NFASC: variants seen among roughly 807,000 people sequenced by gnomAD.
NFASC encodes the protein neurofascin homolog.
A neutral mutation model predicts 147.5 loss-of-function variants in NFASC; 43 were observed. The observed-to-expected ratio is 0.29, with a 90% CI of 0.23 to 0.38. NFASC has a LOEUF of 0.38. NFASC is among the 10% of genes least tolerant of loss of function. The pLI, the probability that NFASC is intolerant of heterozygous loss-of-function variation, is 1.00. For missense variants in NFASC, 1,320 were observed against 1,689.0 expected (o/e 0.78, Z 3.83); for synonymous variants, 622 against 665.5 (o/e 0.93, Z 1.01).
At chr1:204,875,073 T>TTTG (rs3046329) in intron 1 of NFASC, among the ~76,000 whole-genome samples, 14,299 of 150,788 alleles carry the variant, frequency 0.095, 1,437 homozygotes, top group African/African-American at 0.25. Flanking sequence ...GTGGGTCTGC[T>TTTG]TTGTTGTTGT....
At chr1:204,946,997 C>G (rs1372605520) in intron 3 of NFASC, 1 of 356,392 alleles carries the variant, frequency 2.8e-6, no homozygotes, top group Non-Finnish European at 5.6e-6. Context: ...GCACCTGTCT[C>G]ATAAGGTTGA....
chr1:204,987,285 T>C lies in NFASC; in HGVS notation c.2471-133T>C, dbSNP rs2095635217. On this transcript the variant is annotated intron_variant, in intron 21 of 29. Coordinates refer to ENST00000339876, the MANE Select transcript of NFASC (RefSeq NM_001005388.3). The surrounding 1 kb of genome is among the most constrained non-coding windows in gnomAD (Gnocchi z 4.4). ...GGTCGTCTCACGGTTCTCCCAGGCT[T>C]CAGTTTAGCAGTGTCGAGCATGGGG... The C allele has an allele frequency of 6.2e-6, 5 of 812,736 alleles. No homozygotes were observed. Among genetic ancestry groups the C allele is most frequent in the Non-Finnish European group, 9.7e-6 (5 of 513,394 alleles). 50.3% of individuals were successfully genotyped at this position (812,736 alleles called of 1,614,324 possible).
intron 1 of NFASC, 113 bp from the exon 2 acceptor site, chr1:204,920,519 G>A: frequency 2.4e-6 from 1 of 415,784 alleles, no homozygotes; most frequent in Non-Finnish European, 4.4e-6. Context: ...AATGGATGTG[G>A]ACAAAAATGT....
At chr1:204,894,794 C>T (rs2083083068) in intron 1 of NFASC, among the ~76,000 whole-genome samples, 1 of 152,160 alleles carries the variant, frequency 6.6e-6, no homozygotes, top group Non-Finnish European at 1.5e-5. Context: ...TGAGTCATGC[C>T]TTTCATTATG....
intron 1 of NFASC, among the ~76,000 whole-genome samples, chr1:204,901,121 C>T (rs1051134317): frequency 1.3e-5 from 2 of 151,970 alleles, no homozygotes; most frequent in East Asian, 3.9e-4. Context: ...CAGGGAAGTG[C>T]GGGGAGGAGC....
intron 25 of NFASC, chr1:204,998,981 A>C (rs564887696): frequency 6.6e-6 from 1 of 152,252 alleles, no homozygotes; most frequent in African/African-American, 2.4e-5. Flanking sequence ...TCCTCACCTC[A>C]CTTCAGCAGA....
At chr1:204,857,859 T>C (rs1425521932) in intron 1 of NFASC, among the ~76,000 whole-genome samples, 2 of 151,914 alleles carry the variant, frequency 1.3e-5, no homozygotes, top group African/African-American at 2.4e-5. Context: ...CACTTCTCCC[T>C]GTGTCTCCAT....
At position 204,968,469 on chromosome 1, in the gene NFASC, A is replaced by C; in HGVS notation, c.818+109A>C. On this transcript the variant is annotated intron_variant, in intron 9 of 29. Coordinates refer to ENST00000339876, the MANE Select transcript of NFASC (RefSeq NM_001005388.3). The surrounding 1 kb of genome is among the most constrained non-coding windows in gnomAD (Gnocchi z 5.4). ...ATTTAGTGCATACCAGTAGCACAGC[A>C]AAAAGAGAAGCAAACAGCCTCTAGT... The C allele has an allele frequency of 1.3e-6, 1 of 794,376 alleles. No homozygotes were observed. The highest frequency in any genetic ancestry group is 1.6e-5 in the South Asian group (1 of 62,154). The allele number at this position is 794,376 out of a possible 1,614,324, so 49.2% of individuals were successfully genotyped here.
chr1:205,014,596 C>T (rs1308563491), intron 29 of NFASC, among the ~76,000 whole-genome samples: 1 of 152,136 alleles, frequency 6.6e-6, no homozygotes, highest in East Asian at 1.9e-4. Context: ...AGGGCCACCC[C>T]TAGTCATTCT....
chr1:204,980,502 C>A, intron 20 of NFASC, 62 bp downstream of exon 20: 1 of 1,241,770 alleles, frequency 8.1e-7, no homozygotes, highest in South Asian at 1.3e-5. Context: ...GGGAGCCCCT[C>A]TCCCTTGATG....
chr1:204,993,693 C>T, intron 24 of NFASC: 1 of 494,164 alleles, frequency 2.0e-6, no homozygotes, highest in South Asian at 1.5e-5. Context: ...CTGATGGTCT[C>T]CACTGAGCAC....
rs35773017 is a variant in NFASC, at chr1:204,845,295, C to CAAAA, written c.-200+16524_-200+16527dup. On this transcript the variant is annotated intron_variant, in intron 1 of 29. Coordinates refer to ENST00000339876, the MANE Select transcript of NFASC (RefSeq NM_001005388.3). Reference sequence around the variant, plus strand: ...GTAAAACCCTGTCTCTACTAAAATACAAAAAAAAAAAAAATAGCTGGGCGT... The same window carrying CAAAA: ...GTAAAACCCTGTCTCTACTAAAATACAAAAAAAAAAAAAAAAAATAGCTGGGCGT... Among the ~76,000 whole-genome samples the CAAAA allele has an allele frequency of 3.4e-3, 481 of 140,564 alleles. 2 individuals are homozygous for CAAAA. Among genetic ancestry groups the CAAAA allele is most frequent in the African/African-American group, 0.01 (380 of 37,298 alleles). 92.2% of individuals were successfully genotyped at this position (140,564 alleles called of 152,430 possible).
intron 1 of NFASC, among the ~76,000 whole-genome samples, chr1:204,837,865 G>A (rs1176974232): frequency 6.6e-6 from 1 of 152,180 alleles, no homozygotes; most frequent in Non-Finnish European, 1.5e-5. Context: ...AAGCAAAAGT[G>A]TGGAAAGACT....
At chr1:205,011,392 G>T (rs1407014278) in intron 28 of NFASC, among the ~76,000 whole-genome samples, 1 of 152,168 alleles carries the variant, frequency 6.6e-6, no homozygotes, top group Non-Finnish European at 1.5e-5. Flanking sequence ...GCTGTGCTGG[G>T]CCTGTCTGGT....
chr1:204,924,780 T>C (rs778734002), intron 2 of NFASC, among the ~76,000 whole-genome samples: 1 of 152,250 alleles, frequency 6.6e-6, no homozygotes, highest in Non-Finnish European at 1.5e-5. Context: ...ACAAAGTAGA[T>C]GTGAAACCCC....
At chr1:204,998,342 C>T (rs2095893568) in intron 25 of NFASC, 1 of 152,266 alleles carries the variant, frequency 6.6e-6, no homozygotes, top group African/African-American at 2.4e-5. Context: ...CAGAACTCTT[C>T]TGCCACAGTT....
chr1:204,947,212 T>C, intron 3 of NFASC: 1 of 197,494 alleles, frequency 5.1e-6, no homozygotes, highest in Non-Finnish European at 1.1e-5. Context: ...ACAAACAGAA[T>C]AAAGAAGCTG....
rs1292440061 is a variant in NFASC, at chr1:204,913,587, A to T, written c.-199-7045A>T. Among the ~76,000 whole-genome samples the T allele has an allele frequency of 2.0e-5, 3 of 152,212 alleles. No homozygotes were observed. In the East Asian group the frequency reaches 5.8e-4, roughly 29 times the overall value. ...TAAAAGGTAAATTTTTAAATAAATG[A>T]GGTTAGGATCCTCACCATCTTATAT... is the stretch of plus-strand genomic sequence containing the variant. On this transcript the variant is annotated intron_variant, in intron 1 of 29. Coordinates refer to ENST00000339876, the MANE Select transcript of NFASC (RefSeq NM_001005388.3).
intron 13 of NFASC, 41 bp downstream of exon 13, chr1:204,974,331 CT>C: frequency 6.9e-7 from 1 of 1,454,982 alleles, no homozygotes; most frequent in Non-Finnish European, 9.6e-7. Flanking sequence ...CAGGGGTCAC[CT>C]GTCTCATCTT....
Sources: allele counts gnomAD v4.1 joint callset (sites outside exome capture counted in the v4.1 genomes callset), GRCh38; gene constraint gnomAD v4.1.1; non-coding constraint Gnocchi (gnomAD v3.1); transcripts MANE v1.5; gene names NCBI Gene and HGNC (gene_info 2026-07-23, HGNC 2026-07-21).